PCDH9: variants seen among roughly 807,000 people sequenced by gnomAD.
The protein encoded by PCDH9 is protocadherin 9, also known as protocadherin-9.
In PCDH9, 24 loss-of-function variants were observed where a neutral mutation model predicts 70.6. That is an observed-to-expected ratio of 0.34 (90% CI 0.25 to 0.48). The LOEUF (loss-of-function observed/expected upper bound fraction) is 0.48, where lower values mean the gene tolerates loss of function less well. Among genes scored for constraint, PCDH9 ranks in the 20% least tolerant of loss-of-function variants. The pLI, the probability that PCDH9 is intolerant of heterozygous loss-of-function variation, is 0.99. For synonymous variants in PCDH9, 562 were observed against 558.5 expected (o/e 1.01, Z -0.09); for missense variants, 1,281 against 1,503.6 (o/e 0.85, Z 2.45).
intron 4 of PCDH9, among the ~76,000 whole-genome samples, chr13:66,575,170 T>C (rs1222981853): frequency 2.6e-5 from 4 of 151,524 alleles, no homozygotes; most frequent in Non-Finnish European, 4.4e-5. Context: ...TGGAATTCCA[T>C]CTCAAAAAAA....
chr13:66,424,432 T>C (rs1412109877), intron 4 of PCDH9, among the ~76,000 whole-genome samples: 1 of 151,990 alleles, frequency 6.6e-6, no homozygotes, highest in Non-Finnish European at 1.5e-5. Context: ...TTAAACATGG[T>C]ATAGAGGACC....
intron 4 of PCDH9, among the ~76,000 whole-genome samples, chr13:66,321,450 C>T (rs952322475): frequency 1.3e-5 from 2 of 151,794 alleles, no homozygotes; most frequent in Non-Finnish European, 2.9e-5. Context: ...AGTGTGATGC[C>T]AACAGCAGAT....
At chr13:67,083,919 G>A (rs964333695) in intron 2 of PCDH9, among the ~76,000 whole-genome samples, 1 of 152,024 alleles carries the variant, frequency 6.6e-6, no homozygotes, top group Non-Finnish European at 1.5e-5. Flanking sequence ...TGTAGGACAC[G>A]GATTAAAAGT....
At chr13:67,126,996 C>T (rs1195844039) in intron 2 of PCDH9, among the ~76,000 whole-genome samples, 11 of 152,084 alleles carry the variant, frequency 7.2e-5, no homozygotes, top group African/African-American at 2.7e-4. Context: ...AATTTCTGTT[C>T]CCTTAAGTCA....
At chr13:67,030,693 A>G (rs748055123) in intron 2 of PCDH9, among the ~76,000 whole-genome samples, 3 of 152,154 alleles carry the variant, frequency 2.0e-5, no homozygotes, top group Non-Finnish European at 4.4e-5. Context: ...TTTGCTTTCT[A>G]TATCTCCTTA....
chr13:66,838,179 AC>A (rs1216428155), intron 3 of PCDH9, among the ~76,000 whole-genome samples: 1 of 152,078 alleles, frequency 6.6e-6, no homozygotes, highest in Non-Finnish European at 1.5e-5. Context: ...TCTTCTGCAA[AC>A]CTCAACAACT....
intron 2 of PCDH9, among the ~76,000 whole-genome samples, chr13:67,184,226 G>C (rs1313953613): frequency 6.6e-6 from 1 of 152,092 alleles, no homozygotes; most frequent in Admixed American, 6.6e-5. Context: ...AAATGACACA[G>C]GGAACAACAC....
chr13:67,026,803 T>A (rs1258297206), intron 2 of PCDH9, among the ~76,000 whole-genome samples: 3 of 151,406 alleles, frequency 2.0e-5, no homozygotes, highest in Non-Finnish European at 4.4e-5. Flanking sequence ...ATGAGTGAAC[T>A]CCCATTCACA....
At position 67,066,392 on chromosome 13, in the gene PCDH9, C is replaced by T. The variant is rs182133241; in HGVS notation, c.3036+159013G>A. On this transcript the variant is annotated intron_variant, in intron 2 of 4. Transcript: ENST00000377865. ...GGGATTACAGGCGCCTGCCACCACA[C>T]CCAGCTAATTTTTGTATTTTTGGTA... 2.7e-3 allele frequency among the ~76,000 whole-genome samples: 408 copies of T among 152,260 alleles called. 6 individuals carry two copies. The East Asian group carries it at 0.043, about 16-fold the overall frequency.
In PCDH9 at chr13:66,710,023, G is replaced by T. The variant is rs145248437; in HGVS notation, c.3139-78612C>A. 3.2e-4 allele frequency among the ~76,000 whole-genome samples: 48 copies of T among 151,954 alleles called. 1 individual carries two copies. The Middle Eastern group carries it at 0.031, about 97-fold the overall frequency. On this transcript the variant is annotated intron_variant, in intron 3 of 4. Transcript: ENST00000377865. Reference sequence around the variant, plus strand: ...ATTTTTCTGTTTTTAGACAGTTGAGGGTTAAAAATTACCCAATGTCCTATG... The same window carrying T: ...ATTTTTCTGTTTTTAGACAGTTGAGTGTTAAAAATTACCCAATGTCCTATG...
Position 67,056,379 on chromosome 13 carries a change from T to C in PCDH9, c.3037-152774A>G, listed in dbSNP as rs902816350. ...TCTCTTTTTGTATCTCTGTGTTTATTTAATTTCCTGCTGCCAATAAGATGC... is the reference window on the plus strand; with the variant it reads ...TCTCTTTTTGTATCTCTGTGTTTATCTAATTTCCTGCTGCCAATAAGATGC... On this transcript the variant is annotated intron_variant, in intron 2 of 4. Coordinates refer to ENST00000377865, the MANE Select transcript of PCDH9 (RefSeq NM_203487.3). Among the ~76,000 whole-genome samples the C allele has an allele frequency of 1.5e-4, 23 of 152,278 alleles. 1 individual carries two copies. The Middle Eastern group carries it at 0.02, about 135-fold the overall frequency.
intron 4 of PCDH9, among the ~76,000 whole-genome samples, chr13:66,453,050 A>G (rs1362224254): frequency 6.6e-6 from 1 of 152,158 alleles, no homozygotes; most frequent in Non-Finnish European, 1.5e-5. Context: ...ACAGCACAGG[A>G]TAAGACATTT....
At chr13:66,622,050 C>T (rs1229528178) in intron 4 of PCDH9, among the ~76,000 whole-genome samples, 1 of 152,220 alleles carries the variant, frequency 6.6e-6, no homozygotes, top group Non-Finnish European at 1.5e-5. Flanking sequence ...GAGCAGCCGG[C>T]CGGCCCTGTT....
At chr13:67,062,524 T>C (rs560623792) in intron 2 of PCDH9, among the ~76,000 whole-genome samples, 2 of 152,320 alleles carry the variant, frequency 1.3e-5, no homozygotes, top group South Asian at 4.1e-4. Context: ...TATTGTATAT[T>C]GTTAACTCAC....
At chr13:67,173,882 A>AG (rs5804313) in intron 2 of PCDH9, among the ~76,000 whole-genome samples, 5,196 of 152,284 alleles carry the variant, frequency 0.034, 243 homozygotes, top group Admixed American at 0.14. Context: ...TGTTTTAAAA[A>AG]GAGCATTTTG....
intron 4 of PCDH9, among the ~76,000 whole-genome samples, chr13:66,474,198 T>C (rs1958674579): frequency 6.6e-6 from 1 of 152,166 alleles, no homozygotes; most frequent in Non-Finnish European, 1.5e-5. Context: ...GACTTACCTA[T>C]CTGCATGGGC....
chr13:67,176,524 C>CAA (rs71691968), intron 2 of PCDH9, among the ~76,000 whole-genome samples: 291 of 150,708 alleles, frequency 1.9e-3, no homozygotes, highest in South Asian at 0.014. Context: ...TAAAAATAAA[C>CAA]AAAAAAAAAA....
At chr13:66,665,155 G>C (rs2078078125) in intron 3 of PCDH9, among the ~76,000 whole-genome samples, 1 of 149,074 alleles carries the variant, frequency 6.7e-6, no homozygotes, top group East Asian at 2.0e-4. Flanking sequence ...CGCCCAGGCT[G>C]GAGGGCAACA....
intron 4 of PCDH9, among the ~76,000 whole-genome samples, chr13:66,594,990 C>CAA (rs59217015): frequency 2.1e-4 from 27 of 128,812 alleles, no homozygotes; most frequent in Non-Finnish European, 2.4e-4. Flanking sequence ...AGCATTTACT[C>CAA]AAAAAAAAAA....
Sources: gnomAD v4.1 joint callset for allele counts (sites outside exome capture counted in the v4.1 genomes callset) on GRCh38, gnomAD v4.1.1 for gene constraint, MANE v1.5 for transcripts, NCBI Gene and HGNC (gene_info 2026-07-23, HGNC 2026-07-21) for gene names.